The following MAF variants were observed in gnomAD, a reference collection of about 807,000 sequenced individuals.
The protein encoded by MAF is transcription factor Maf.
In MAF, 10 loss-of-function variants were observed where a neutral mutation model predicts 22.0. The ratio of observed to expected loss-of-function variants is 0.45; its 90% confidence interval spans 0.28 to 0.77. MAF has a LOEUF of 0.77. Ranked by LOEUF, MAF falls within the 30% of genes least tolerant of loss-of-function variation. The pLI is 0.12. For synonymous variants in MAF, 337 were observed against 255.8 expected (o/e 1.32, Z -3.03); for missense variants, 544 against 548.4 (o/e 0.99, Z 0.08).
At chr16:79,511,951 G>A in the MAF span, among the ~76,000 whole-genome samples, 1 of 152,186 alleles carries the variant, frequency 6.6e-6, no homozygotes, top group Non-Finnish European at 1.5e-5. Flanking sequence ...TGGCCAGACT[G>A]CTGCTCTGTT....
the MAF span, among the ~76,000 whole-genome samples, chr16:79,458,088 A>C: frequency 7.3e-6 from 1 of 137,116 alleles, no homozygotes; most frequent in Non-Finnish European, 1.6e-5. Flanking sequence ...AAAGATTTCA[A>C]CTAAGATTTT....
At chr16:79,489,263 A>G in the MAF span, among the ~76,000 whole-genome samples, 2 of 151,972 alleles carry the variant, frequency 1.3e-5, no homozygotes, top group African/African-American at 2.4e-5. Flanking sequence ...TTATCCAGCA[A>G]TTTATTCATT....
chr16:79,330,369 T>C, the MAF span, among the ~76,000 whole-genome samples: 1 of 152,248 alleles, frequency 6.6e-6, no homozygotes, highest in African/African-American at 2.4e-5. Flanking sequence ...GCTCTTGCAA[T>C]TTTCTATTTC....
At chr16:79,532,740 G>A in the MAF span, among the ~76,000 whole-genome samples, 2 of 152,174 alleles carry the variant, frequency 1.3e-5, no homozygotes, top group Admixed American at 6.5e-5. Flanking sequence ...ATACATGTGT[G>A]TTTGTGTAGT....
chr16:79,579,297 C>T, the MAF span, among the ~76,000 whole-genome samples: 1 of 152,156 alleles, frequency 6.6e-6, no homozygotes, highest in Non-Finnish European at 1.5e-5. Context: ...TATCCTTGTA[C>T]TTGGATGTTA....
chr16:79,212,606 T>C, the MAF span: 1 of 158,420 alleles, frequency 6.3e-6, no homozygotes, highest in East Asian at 1.8e-4. Context: ...TTTCACATTG[T>C]ACTTAAACCT....
chr16:79,215,914 C>G, the MAF span, among the ~76,000 whole-genome samples: 3 of 152,158 alleles, frequency 2.0e-5, no homozygotes, highest in African/African-American at 7.2e-5. Flanking sequence ...GCGATTGCCC[C>G]CTCATGCCCA....
chr16:79,351,795 G>C, the MAF span, among the ~76,000 whole-genome samples: 63 of 152,270 alleles, frequency 4.1e-4, no homozygotes, highest in African/African-American at 1.5e-3. Context: ...TGGAACGGCA[G>C]CCTGAACACA....
At chr16:79,395,705 C>T in the MAF span, among the ~76,000 whole-genome samples, 3 of 152,204 alleles carry the variant, frequency 2.0e-5, no homozygotes. Flanking sequence ...GCAACAAACT[C>T]AGCCAACACA....
the MAF span, among the ~76,000 whole-genome samples, chr16:79,514,820 A>C: frequency 6.6e-6 from 1 of 152,188 alleles, no homozygotes. Context: ...CTTGGAAGCC[A>C]GATAAAAGTA....
the MAF span, among the ~76,000 whole-genome samples, chr16:79,219,863 T>G: frequency 7.9e-5 from 12 of 152,226 alleles, no homozygotes; most frequent in African/African-American, 2.9e-4. Flanking sequence ...TGTGGCTTTA[T>G]GTTTATATCC....
chr16:79,550,749 G>T, the MAF span, among the ~76,000 whole-genome samples: 1 of 151,156 alleles, frequency 6.6e-6, no homozygotes, highest in East Asian at 1.9e-4. Flanking sequence ...CTAATCTGTG[G>T]CTAGAGGAAG....
At chr16:79,335,534 G>A in the MAF span, among the ~76,000 whole-genome samples, 1 of 152,188 alleles carries the variant, frequency 6.6e-6, no homozygotes, top group African/African-American at 2.4e-5. Flanking sequence ...TAGGAACGGT[G>A]ATGTTTCAGT....
At chr16:79,319,693 A>G in the MAF span, among the ~76,000 whole-genome samples, 2 of 146,274 alleles carry the variant, frequency 1.4e-5, no homozygotes, top group South Asian at 4.3e-4. Context: ...CATTTCTCCT[A>G]TAAACATTTA....
At chr16:79,513,244 C>G in the MAF span, among the ~76,000 whole-genome samples, 2 of 152,354 alleles carry the variant, frequency 1.3e-5, no homozygotes, top group South Asian at 4.1e-4. Flanking sequence ...TTAGAGGCAG[C>G]CTGTCGCAGT....
At chr16:79,339,367 G>A in the MAF span, among the ~76,000 whole-genome samples, 15 of 152,262 alleles carry the variant, frequency 9.9e-5, no homozygotes, top group African/African-American at 3.6e-4. Context: ...CCTGGGTCAT[G>A]GGTTTTAAAA....
At chr16:79,208,631 ATTTT>A in the MAF span, among the ~76,000 whole-genome samples, 6 of 151,074 alleles carry the variant, frequency 4.0e-5, no homozygotes, top group Non-Finnish European at 8.9e-5. Context: ...TGCTCTTTAA[ATTTT>A]TTTTTTAATC....
At chr16:79,539,496 T>G in the MAF span, among the ~76,000 whole-genome samples, 1 of 151,972 alleles carries the variant, frequency 6.6e-6, no homozygotes, top group Non-Finnish European at 1.5e-5. Flanking sequence ...AGAGCGAGAC[T>G]CCACCTCAAA....
At chr16:79,513,266 G>A in the MAF span, among the ~76,000 whole-genome samples, 1 of 152,240 alleles carries the variant, frequency 6.6e-6, no homozygotes, top group African/African-American at 2.4e-5. Context: ...GACGGAACAG[G>A]TTTTACAGCC....
Sources: allele counts gnomAD v4.1 joint callset (sites outside exome capture counted in the v4.1 genomes callset), GRCh38; gene constraint gnomAD v4.1.1; transcripts MANE v1.5; gene names NCBI Gene and HGNC (gene_info 2026-07-23, HGNC 2026-07-21).